CDH13: variants seen among roughly 807,000 people sequenced by gnomAD.
CDH13 encodes cadherin 13.
A neutral mutation model predicts 63.8 loss-of-function variants in CDH13; 24 were observed. The ratio of observed to expected loss-of-function variants is 0.38; its 90% CI spans 0.27 to 0.53. The LOEUF is 0.53. CDH13 is among the 20% of genes least tolerant of loss of function. The pLI, the probability that CDH13 is intolerant of heterozygous loss-of-function variation, is 0.85. For synonymous variants in CDH13, 503 were observed against 355.3 expected, an observed-to-expected ratio of 1.42 and a Z score of -4.67; for missense variants, 1,049 against 903.1, an observed-to-expected ratio of 1.16 and a Z score of -2.07.
chr16:83,452,584 C>G (rs2072913487), intron 6 of CDH13, among the ~76,000 whole-genome samples: 1 of 152,050 alleles, frequency 6.6e-6, no homozygotes, highest in Non-Finnish European at 1.5e-5. Context: ...TACTTGTTTC[C>G]TGCCCAGCAA....
intron 6 of CDH13, among the ~76,000 whole-genome samples, chr16:83,485,814 G>A (rs937462739): frequency 9.2e-5 from 14 of 152,152 alleles, no homozygotes; most frequent in African/African-American, 2.7e-4. Context: ...TCCCCAACAC[G>A]CAGCCCAGGC....
chr16:82,652,160 A>G (rs992455308), intron 1 of CDH13, among the ~76,000 whole-genome samples: 1 of 152,252 alleles, frequency 6.6e-6, no homozygotes, highest in Admixed American at 6.5e-5. Context: ...AAAAGAGGTC[A>G]TCAGATTGTA....
At chr16:82,858,509 T>C in intron 2 of CDH13, 36 bp downstream of exon 2, 1 of 1,232,230 alleles carries the variant, frequency 8.1e-7, no homozygotes, top group Admixed American at 1.7e-5. Context: ...TTTAGACTCT[T>C]CTCATATTTG....
chr16:83,143,522 A>C (rs1441926452), intron 4 of CDH13, among the ~76,000 whole-genome samples: 1 of 152,226 alleles, frequency 6.6e-6, no homozygotes, highest in Non-Finnish European at 1.5e-5. Flanking sequence ...ATATTTTGAC[A>C]ATGTGAACTA....
intron 2 of CDH13, among the ~76,000 whole-genome samples, chr16:82,887,831 A>G (rs1374339442): frequency 6.6e-6 from 1 of 152,100 alleles, no homozygotes; most frequent in East Asian, 1.9e-4. Context: ...CAGAAAAAAA[A>G]AGAAAGGAGA....
chr16:83,754,153 AC>A (rs1356865165), intron 11 of CDH13, among the ~76,000 whole-genome samples: 1 of 152,146 alleles, frequency 6.6e-6, no homozygotes, highest in East Asian at 1.9e-4. Flanking sequence ...CTTGGGTCTC[AC>A]AGAAAACAGA....
At chr16:83,758,978 G>T (rs1913735406) in intron 11 of CDH13, among the ~76,000 whole-genome samples, 1 of 152,164 alleles carries the variant, frequency 6.6e-6, no homozygotes, top group Non-Finnish European at 1.5e-5. Context: ...CGACCTGAGG[G>T]ATTCAATGCA....
At chr16:83,563,724 G>C (rs1037956258) in intron 7 of CDH13, among the ~76,000 whole-genome samples, 3 of 152,108 alleles carry the variant, frequency 2.0e-5, no homozygotes, top group African/African-American at 7.2e-5. Flanking sequence ...TTGAAAAACA[G>C]ACTCAGTAGT....
chr16:83,154,851 A>G (rs2037140583), intron 4 of CDH13, among the ~76,000 whole-genome samples: 1 of 152,194 alleles, frequency 6.6e-6, no homozygotes, highest in African/African-American at 2.4e-5. Flanking sequence ...TGTTATTTCA[A>G]CCGGTTTTTC....
At chr16:83,053,757 A>G (rs1487538171) in intron 3 of CDH13, among the ~76,000 whole-genome samples, 1 of 152,186 alleles carries the variant, frequency 6.6e-6, no homozygotes, top group Non-Finnish European at 1.5e-5. Context: ...TTATAGAACT[A>G]TACAGCAGGC....
chr16:83,352,798 G>A (rs1233378091), intron 6 of CDH13, among the ~76,000 whole-genome samples: 1 of 152,192 alleles, frequency 6.6e-6, no homozygotes, highest in East Asian at 1.9e-4. Context: ...GCTGAGGTGG[G>A]AGAATGGCAT....
intron 10 of CDH13, among the ~76,000 whole-genome samples, chr16:83,708,662 T>C (rs1436125387): frequency 1.3e-5 from 2 of 152,214 alleles, no homozygotes; most frequent in Non-Finnish European, 2.9e-5. Context: ...CAGCTATGAT[T>C]AGATGAAAGG....
intron 1 of CDH13, among the ~76,000 whole-genome samples, chr16:82,830,246 A>G (rs1455171470): frequency 6.6e-6 from 1 of 152,204 alleles, no homozygotes; most frequent in Admixed American, 6.5e-5. Flanking sequence ...CTTGGTACTT[A>G]TCAATAACTC....
At chr16:83,038,722 A>T (rs912745548) in intron 3 of CDH13, among the ~76,000 whole-genome samples, 3 of 152,220 alleles carry the variant, frequency 2.0e-5, no homozygotes, top group Non-Finnish European at 4.4e-5. Context: ...GAAAAGCTCC[A>T]TGCTTCGTTC....
intron 4 of CDH13, among the ~76,000 whole-genome samples, chr16:83,198,504 A>AT (rs1182998022): frequency 6.6e-6 from 1 of 152,206 alleles, no homozygotes; most frequent in African/African-American, 2.4e-5. Context: ...CTTTCTATTT[A>AT]TTATTCAGAT....
intron 11 of CDH13, among the ~76,000 whole-genome samples, chr16:83,771,274 G>A (rs899993706): frequency 6.6e-6 from 1 of 152,184 alleles, no homozygotes; most frequent in Non-Finnish European, 1.5e-5. Context: ...GAGCCAACCA[G>A]ACCAAGAGTA....
intron 2 of CDH13, among the ~76,000 whole-genome samples, chr16:82,918,371 G>C (rs16958858): frequency 0.36 from 54,202 of 151,828 alleles, 10,379 homozygotes; most frequent in Non-Finnish European, 0.44. Context: ...ATTTTTTTGA[G>C]ACATCCTGAA....
chr16:83,053,980 A>G (rs13338142), intron 3 of CDH13, among the ~76,000 whole-genome samples: 77,572 of 152,056 alleles, frequency 0.51, 21,965 homozygotes, highest in East Asian at 0.63. Flanking sequence ...ATAATACCAT[A>G]TTTTTACTGT....
intron 6 of CDH13, among the ~76,000 whole-genome samples, chr16:83,428,886 T>C (rs1002109060): frequency 2.6e-5 from 4 of 152,376 alleles, no homozygotes; most frequent in Non-Finnish European, 5.9e-5. Flanking sequence ...GTTTATTTGT[T>C]AAAATAACTG....
Sources: allele counts gnomAD v4.1 joint callset (sites outside exome capture counted in the v4.1 genomes callset), GRCh38; gene constraint gnomAD v4.1.1; transcripts MANE v1.5; gene names NCBI Gene and HGNC (gene_info 2026-07-23, HGNC 2026-07-21).